Variants in ABHD14A observed in about 807,000 individuals in gnomAD.
The protein encoded by ABHD14A is abhydrolase domain containing 14A.
ABHD14A carries 19 observed loss-of-function variants against 27.0 expected under a neutral mutation model. The observed-to-expected ratio is 0.70, with a 90% CI of 0.49 to 1.03. ABHD14A has a LOEUF of 1.03. Ranked by LOEUF, ABHD14A falls within the 50% of genes least tolerant of loss-of-function variation. The pLI is 0.00. For synonymous variants in ABHD14A, 148 were observed against 158.8 expected (o/e 0.93, Z 0.51); for missense variants, 311 against 344.6 (o/e 0.90, Z 0.77).
At chr3:51,976,809 T>C (rs1217107291) in intron 1 of ABHD14A, among the ~76,000 whole-genome samples, 1 of 152,082 alleles carries the variant, frequency 6.6e-6, no homozygotes, top group Non-Finnish European at 1.5e-5. Flanking sequence ...ACAGGAAGCT[T>C]AGGAGGGCAG....
chr3:51,976,826 G>A (rs1338276521), intron 1 of ABHD14A, among the ~76,000 whole-genome samples: 1 of 152,184 alleles, frequency 6.6e-6, no homozygotes, highest in Non-Finnish European at 1.5e-5. Context: ...GCAGCCACGA[G>A]GTTATCCCAT....
Position 51,975,099 on chromosome 3 carries a change from T to G in ABHD14A, c.-37T>G. 1 of 1,283,442 alleles carries G rather than the reference T, an allele frequency of 7.8e-7. No individual in the cohort carries two copies. The highest frequency in any genetic ancestry group is 9.9e-7 in the Non-Finnish European group (1 of 1,014,808). The allele number at this position is 1,283,442 out of a possible 1,614,324, so 79.5% of individuals were successfully genotyped here. A position where few individuals can be genotyped will look rare whatever the true frequency, so the allele number is the denominator to read the frequency against. On this transcript the variant is annotated 5_prime_UTR_variant, in exon 1 of 5. An upstream open reading frame in the 5' UTR loses its in-frame stop. Coordinates refer to ENST00000273596, the MANE Select transcript of ABHD14A (RefSeq NM_015407.5). ...CGAGATGGCCGCGCTCCTGGCCGCCTAGAGCCGGAGCGGCCCGCGGAGCTG... is the reference window on the plus strand; with the variant it reads ...CGAGATGGCCGCGCTCCTGGCCGCCGAGAGCCGGAGCGGCCCGCGGAGCTG...
chr3:51,978,843 C>T (rs954368787), intron 3 of ABHD14A: 17 of 235,180 alleles, frequency 7.2e-5, no homozygotes, highest in African/African-American at 3.2e-4. Flanking sequence ...TCGCCTGCCT[C>T]GGCCTCCCCA....
In ABHD14A at chr3:51,980,603, C is replaced by T. The variant is rs749463097; in HGVS notation, c.608C>T (p.Thr203Ile). 5 of 1,613,936 alleles carry T rather than the reference C, an allele frequency of 3.1e-6. No individual in the cohort carries two copies. The highest frequency in any genetic ancestry group is 4.2e-6 in the Non-Finnish European group (5 of 1,179,986). The change falls in exon 4 of 5, where the codon ACC becomes ATC. Residue 203 changes from threonine to isoleucine, a missense_variant. Transcript: ENST00000273596. Reference sequence around the variant, plus strand: ...GCACCCACCTCCACCCAGAACTACACCCAGGAGCAATTCTGGGCTGTGAAG... The same window carrying T: ...GCACCCACCTCCACCCAGAACTACATCCAGGAGCAATTCTGGGCTGTGAAG... Reference protein sequence around the residue: ...PIAPTSTQNYTQEQFWAVKTP... With the variant: ...PIAPTSTQNYIQEQFWAVKTP...
intron 1 of ABHD14A, 36 bp downstream of exon 1, chr3:51,975,240 C>G: frequency 8.0e-7 from 1 of 1,248,296 alleles, no homozygotes; most frequent in Non-Finnish European, 1.0e-6. Flanking sequence ...GGCCGGTGGC[C>G]CAGGGGAGGG....
chr3:51,980,362 C>A (rs1394444183), intron 3 of ABHD14A, 31 bp from the exon 4 acceptor site: 2 of 1,605,392 alleles, frequency 1.2e-6, no homozygotes, highest in South Asian at 2.2e-5. Flanking sequence ...CTTCCCAGTG[C>A]CCCTCAGCTG....
intron 1 of ABHD14A, among the ~76,000 whole-genome samples, chr3:51,975,596 CG>C (rs1700772678): frequency 6.6e-6 from 1 of 151,334 alleles, no homozygotes; most frequent in Non-Finnish European, 1.5e-5. Flanking sequence ...TGTGTGTGTG[CG>C]TGTCTGCTTT....
chr3:51,980,173 C>T (rs944537278), intron 3 of ABHD14A: 11 of 632,496 alleles, frequency 1.7e-5, no homozygotes, highest in Admixed American at 1.0e-4. Flanking sequence ...CTGCCCGCCT[C>T]GGCCTCCCAA....
At chr3:51,977,313 A>C (rs1028223886) in intron 1 of ABHD14A, among the ~76,000 whole-genome samples, 1 of 152,162 alleles carries the variant, frequency 6.6e-6, no homozygotes, top group African/African-American at 2.4e-5. Context: ...TTCCACCTGC[A>C]AGGCTCCAGT....
chr3:51,979,460 T>G (rs1322262021), intron 3 of ABHD14A, among the ~76,000 whole-genome samples: 2 of 151,822 alleles, frequency 1.3e-5, no homozygotes, highest in African/African-American at 2.4e-5. Context: ...TTTTGTTTTT[T>G]TTTTGTTTGT....
chr3:51,977,918 C>T lies in ABHD14A; in HGVS notation c.117C>T (p.Gly39=), dbSNP rs1438860178. ...SMSRSQVALL[G]LSLLLMLLLY... ...GCCGGTCCCAGGTAGCCCTGCTGGG[C>T]CTGAGTCTGCTGCTCATGCTCCTAC... The change falls in exon 2 of 5, where the codon GGC becomes GGT. Residue 39 remains glycine, a synonymous_variant. Coordinates refer to ENST00000273596, the MANE Select transcript of ABHD14A (RefSeq NM_015407.5). 1 of 1,614,166 alleles carries T rather than the reference C, an allele frequency of 6.2e-7. No homozygotes were observed. Among genetic ancestry groups the T allele is most frequent in the Non-Finnish European group, 8.5e-7 (1 of 1,180,034 alleles).
chr3:51,978,660 C>T lies in ABHD14A; in HGVS notation c.397+286C>T, dbSNP rs1183906124. The stretch of plus-strand genomic sequence containing the variant: ...AGGCTAGAGTACAATGGCACAATCT[C>T]GGCTCACTGCAACCTCCGCCTCCCG... On this transcript the variant is annotated intron_variant, in intron 3 of 4. Transcript: ENST00000273596. The T allele has an allele frequency of 3.2e-5, 8 of 253,266 alleles. No homozygotes were observed. The East Asian group carries it at 3.4e-4, about 11-fold the overall frequency. 15.7% of individuals were successfully genotyped at this position (253,266 alleles called of 1,614,324 possible).
chr3:51,981,045 G>A lies in ABHD14A; in HGVS notation c.*27G>A. On this transcript the variant is annotated 3_prime_UTR_variant, in exon 5 of 5. Coordinates refer to ENST00000273596, the MANE Select transcript of ABHD14A (RefSeq NM_015407.5). ...CTAACCCACTCCCAGCTCCCAGCCT[G>A]GCATGAGCTTGGACAGTCTGGACCG... 1 of 1,598,400 alleles carries A rather than the reference G, an allele frequency of 6.3e-7. No homozygotes were observed. Among genetic ancestry groups the A allele is most frequent in the Non-Finnish European group, 8.6e-7 (1 of 1,167,460 alleles).
Position 51,980,992 on chromosome 3 carries a change from C to T in ABHD14A, c.790C>T (p.Leu264Phe), listed in dbSNP as rs759540167. Residue 264 changes from leucine to phenylalanine, a missense_variant, in exon 5 of 5, where the codon CTT becomes TTT. Leu to Phe is a conservative substitution (Grantham distance 22, BLOSUM62 0). Coordinates refer to ENST00000273596, the MANE Select transcript of ABHD14A (RefSeq NM_015407.5). ...GCCGCAAGACTTCCACCTTGTCCTG[C>T]TTGCCTTCCTTGACCATCTACCTTG... Reference protein sequence around the residue: ...HKPQDFHLVLLAFLDHLP With the variant: ...HKPQDFHLVLFAFLDHLP The T allele has an allele frequency of 1.2e-6, 2 of 1,613,234 alleles. No homozygotes were observed. The highest frequency in any genetic ancestry group is 8.5e-7 in the Non-Finnish European group (1 of 1,179,214).
rs368163729 is a variant in ABHD14A at position 51,980,947 on chromosome 3, C to T, written c.745C>T (p.His249Tyr). The change falls in exon 5 of 5, where the codon CAT (histidine) becomes TAT (tyrosine). Residue 249 changes from histidine to tyrosine, a missense_variant. His to Tyr is a moderately conservative substitution (Grantham distance 83, BLOSUM62 2). Coordinates refer to ENST00000273596, the MANE Select transcript of ABHD14A (RefSeq NM_015407.5). ...TGTGGTGAAGCTACGCAATGCAGGC[C>T]ATGCCTGTTACCTCCACAAGCCGCA... ...HSVVKLRNAG[H>Y]ACYLHKPQDF... is the part of the protein sequence containing the mutation. 4.6e-5 allele frequency: 74 copies of T among 1,614,000 alleles called. No homozygotes were observed. Among genetic ancestry groups the T allele is most frequent in the Non-Finnish European group, 6.2e-5 (73 of 1,179,992 alleles).
chr3:51,980,144 G>A (rs970520472), intron 3 of ABHD14A: 22 of 549,748 alleles, frequency 4.0e-5, no homozygotes, highest in African/African-American at 1.9e-4. Context: ...GGATGGTCTC[G>A]ATCTCCTAAC....
rs1167216400 is a variant in ABHD14A, at chr3:51,978,376, T to A, written c.397+2T>A. 6.5e-7 allele frequency: 1 copy of A among 1,550,258 alleles called. No individual in the cohort carries two copies. The highest frequency in any genetic ancestry group is 8.7e-7 in the Non-Finnish European group (1 of 1,145,912). ...GGGCCGTGGCCCTTGACCTTCCAGG[T>A]GAGCACCCCCACCCCTTTGTCTAGG... is the stretch of plus-strand genomic sequence containing the variant. On this transcript the variant is annotated splice_donor_variant, in intron 3 of 4. Coordinates refer to ENST00000273596, the MANE Select transcript of ABHD14A (RefSeq NM_015407.5). LOFTEE classifies it high-confidence loss of function.
At chr3:51,976,935 G>A (rs1700799383) in intron 1 of ABHD14A, among the ~76,000 whole-genome samples, 1 of 152,170 alleles carries the variant, frequency 6.6e-6, no homozygotes, top group Non-Finnish European at 1.5e-5. Flanking sequence ...TGGGGTGGCA[G>A]AGACCCCAGA....
intron 2 of ABHD14A, 35 bp from the exon 3 acceptor site, chr3:51,978,224 G>C (rs374918229): frequency 1.1e-5 from 17 of 1,538,934 alleles, no homozygotes; most frequent in Non-Finnish European, 1.4e-5. Context: ...GCTACACCAG[G>C]TTCCCAGCAA....
Sources: gnomAD v4.1 joint callset for allele counts (sites outside exome capture counted in the v4.1 genomes callset) on GRCh38, gnomAD v4.1.1 for gene constraint, MANE v1.5 for transcripts, NCBI Gene and HGNC (gene_info 2026-07-23, HGNC 2026-07-21) for gene names.